The following PGAP4 variants were observed in gnomAD, a reference collection of about 807,000 sequenced individuals.
PGAP4 encodes post-GPI attachment to proteins GalNAc transferase 4.
PGAP4 carries 12 observed loss-of-function variants against 28.2 expected under a neutral mutation model. That is an observed-to-expected ratio of 0.42 (90% CI 0.27 to 0.69). PGAP4 has a LOEUF of 0.69. PGAP4 is among the 30% of genes least tolerant of loss of function. The probability of loss-of-function intolerance (pLI) is 0.22; values close to 1 mark genes in which losing one functional copy is unlikely to be tolerated. For missense variants in PGAP4, 425 were observed against 513.5 expected (o/e 0.83, Z 1.67); for synonymous variants, 205 against 211.8 (o/e 0.97, Z 0.28).
At chr9:101,483,620 A>G (rs1313080398) in intron 1 of PGAP4, among the ~76,000 whole-genome samples, 3 of 152,076 alleles carry the variant, frequency 2.0e-5, no homozygotes, top group Non-Finnish European at 4.4e-5. Flanking sequence ...AATATATAAT[A>G]TACATAGCAA....
At chr9:101,487,805 G>A (rs567056109), upstream of PGAP4, among the ~76,000 whole-genome samples, 91 of 152,248 alleles carry the variant, frequency 6.0e-4, 1 homozygote, top group Middle Eastern at 0.017. Flanking sequence ...TCAGGGCTAC[G>A]AAAATTATAT....
chr9:101,475,873 T>C lies in PGAP4; in HGVS notation c.*8A>G. ...GTGGCCAACTTCAGAAAGGCATCTC[T>C]TGGCACCCTAGAGGAGACTGGGATG... On this transcript the variant is annotated 3_prime_UTR_variant, in exon 2 of 2. Coordinates refer to ENST00000374848, the MANE Select transcript of PGAP4 (RefSeq NM_032342.3). 1 of 1,608,098 alleles carries C rather than the reference T, an allele frequency of 6.2e-7. No homozygotes were observed. The highest frequency in any genetic ancestry group is 8.5e-7 in the Non-Finnish European group (1 of 1,177,232).
chr9:101,513,686 G>GTAGA (rs1191349216), intron 2 of PGAP4, among the ~76,000 whole-genome samples: 5 of 146,560 alleles, frequency 3.4e-5, no homozygotes, highest in African/African-American at 1.0e-4. Context: ...GGACAGATAG[G>GTAGA]TAGATAGATA....
chr9:101,489,743 G>T (rs1433932177), upstream of PGAP4, among the ~76,000 whole-genome samples: 1 of 152,162 alleles, frequency 6.6e-6, no homozygotes, highest in African/African-American at 2.4e-5. Flanking sequence ...CAAATTCCCA[G>T]GACACAGAGC....
chr9:101,478,823 CA>C (rs1826400684), intron 1 of PGAP4, among the ~76,000 whole-genome samples: 1 of 152,286 alleles, frequency 6.6e-6, no homozygotes, highest in Admixed American at 6.5e-5. Context: ...AGTACCCTCC[CA>C]AACTAGAGTG....
intron 1 of PGAP4, among the ~76,000 whole-genome samples, chr9:101,532,520 C>G (rs932166807): frequency 6.6e-6 from 1 of 152,180 alleles, no homozygotes; most frequent in African/African-American, 2.4e-5. Context: ...TAAATGCAGT[C>G]TGTGAACCTC....
intron 2 of PGAP4, among the ~76,000 whole-genome samples, chr9:101,524,440 A>G (rs1354227125): frequency 6.6e-6 from 1 of 152,150 alleles, no homozygotes; most frequent in African/African-American, 2.4e-5. Context: ...GTTCCTTCTC[A>G]GCCTGTGAGT....
At chr9:101,487,225 T>A (rs41282145), upstream of PGAP4, 2,968 of 152,324 alleles carry the variant, frequency 0.019, 74 homozygotes, top group Non-Finnish European at 0.026. Context: ...AGGCGCCAAC[T>A]GATGGGCAGC....
intron 1 of PGAP4, among the ~76,000 whole-genome samples, chr9:101,478,318 T>C (rs1826385667): frequency 6.6e-6 from 1 of 152,204 alleles, no homozygotes; most frequent in Non-Finnish European, 1.5e-5. Context: ...TATAAAATAA[T>C]AATTGCTAGT....
rs578211754 is a variant in PGAP4, at chr9:101,520,097, C to T, written c.-165+11251G>A. Among the ~76,000 whole-genome samples the T allele has an allele frequency of 1.9e-4, 29 of 152,214 alleles. No homozygotes were observed. The South Asian group carries it at 5.8e-3, about 31-fold the overall frequency. On this transcript the variant is annotated intron_variant, in intron 2 of 3. Coordinates refer to the PGAP4 transcript ENST00000374851. Reference sequence around the variant, plus strand: ...TATGTGCCTATTTTTGTACCAGTGCCGTGCTGTTTTGGTGACTATGGCCTT... The same window carrying T: ...TATGTGCCTATTTTTGTACCAGTGCTGTGCTGTTTTGGTGACTATGGCCTT...
Position 101,486,517 on chromosome 9 carries a change from G to A in PGAP4, c.-78+432C>T, listed in dbSNP as rs1347230782. Among the ~76,000 whole-genome samples, 2 of 152,164 alleles carry A rather than the reference G, an allele frequency of 1.3e-5. No individual in the cohort carries two copies. The highest frequency in any genetic ancestry group is 3.9e-4 in the East Asian group (2 of 5,152). ...TCCCCTGCTTGCGGGCGGCCATTAGGCGCCAGGCCCCTTGGCGCTTCGGCC... is the reference window on the plus strand; with the variant it reads ...TCCCCTGCTTGCGGGCGGCCATTAGACGCCAGGCCCCTTGGCGCTTCGGCC... On this transcript the variant is annotated intron_variant, in intron 1 of 1. Transcript: ENST00000374848. This position sits in a 1 kb window ranked among gnomAD's most constrained non-coding sequence, Gnocchi z 4.7.
rs1268353262 is a variant in PGAP4, at chr9:101,514,704, T to G, written c.-165+16644A>C. ...CAGAGGAGTTGGGTTGGGGGCAGAG[T>G]GTAAGAAAAGAAGGAGGAAACTAAA... On this transcript the variant is annotated intron_variant, in intron 2 of 3. Coordinates refer to the PGAP4 transcript ENST00000374851. 3.9e-5 allele frequency among the ~76,000 whole-genome samples: 6 copies of G among 151,982 alleles called. No homozygotes were observed. In the South Asian group the frequency reaches 1.3e-3, roughly 32 times the overall value.
At chr9:101,529,054 C>T (rs1321284756) in intron 2 of PGAP4, among the ~76,000 whole-genome samples, 2 of 151,668 alleles carry the variant, frequency 1.3e-5, no homozygotes, top group Non-Finnish European at 2.9e-5. Flanking sequence ...TTGTCTGTTC[C>T]TGTGTTAGTT....
In PGAP4 at chr9:101,474,955, TA is replaced by T. The variant is rs1826252061; in HGVS notation, c.*925del. Reference sequence around the variant, plus strand: ...GTTAGGCCATGGCAGAGATCTGAAATAAAAGGTCAGGTCTTCTGACTTCAGT... The same window carrying T: ...GTTAGGCCATGGCAGAGATCTGAAATAAAGGTCAGGTCTTCTGACTTCAGT... On this transcript the variant is annotated 3_prime_UTR_variant, in exon 2 of 2. Transcript: ENST00000374848. 1 of 149,176 alleles carries T rather than the reference TA, an allele frequency of 6.7e-6. No individual in the cohort carries two copies. The highest frequency in any genetic ancestry group is 2.5e-5 in the African/African-American group (1 of 40,470). 9.2% of individuals were successfully genotyped at this position (149,176 alleles called of 1,614,324 possible).
At chr9:101,481,959 T>C (rs1755681275) in intron 1 of PGAP4, among the ~76,000 whole-genome samples, 2 of 152,138 alleles carry the variant, frequency 1.3e-5, no homozygotes, top group South Asian at 4.1e-4. Context: ...TGCCACACTC[T>C]AGTTCCTCCT....
At chr9:101,500,412 A>C (rs1826786473) in intron 2 of PGAP4, among the ~76,000 whole-genome samples, 1 of 151,834 alleles carries the variant, frequency 6.6e-6, no homozygotes, top group African/African-American at 2.4e-5. Context: ...GTGACTACTA[A>C]CTCTGACTCT....
chr9:101,482,906 A>C (rs1391007932), intron 1 of PGAP4, among the ~76,000 whole-genome samples: 1 of 152,202 alleles, frequency 6.6e-6, no homozygotes, highest in Non-Finnish European at 1.5e-5. Context: ...GTTGTGCTAG[A>C]CCCTTGCATC....
intron 2 of PGAP4, among the ~76,000 whole-genome samples, chr9:101,495,072 A>G (rs572110034): frequency 2.1e-5 from 3 of 140,022 alleles, no homozygotes; most frequent in Admixed American, 8.0e-5. Flanking sequence ...AAGATTTACT[A>G]CCATTTATTA....
At chr9:101,511,650 G>A (rs945451831) in intron 2 of PGAP4, among the ~76,000 whole-genome samples, 2 of 152,090 alleles carry the variant, frequency 1.3e-5, no homozygotes, top group Admixed American at 6.6e-5. Flanking sequence ...AGAATCAGTA[G>A]GTATTGGTGA....
Sources: allele counts gnomAD v4.1 joint callset (sites outside exome capture counted in the v4.1 genomes callset), GRCh38; gene constraint gnomAD v4.1.1; non-coding constraint Gnocchi (gnomAD v3.1); transcripts MANE v1.5; gene names NCBI Gene and HGNC (gene_info 2026-07-23, HGNC 2026-07-21).